The following AGAP1 variants were observed in gnomAD, a reference collection of about 807,000 sequenced individuals.
AGAP1 encodes the protein arf-GAP with GTPase, ANK repeat and PH domain-containing protein 1.
A neutral mutation model predicts 105.3 loss-of-function variants in AGAP1; 29 were observed. The ratio of observed to expected loss-of-function variants is 0.28; its 90% confidence interval spans 0.21 to 0.38. The LOEUF is 0.38. Among genes scored for constraint, AGAP1 ranks in the 10% least tolerant of loss-of-function variants. The pLI is 1.00. For synonymous variants in AGAP1, 509 were observed against 485.9 expected (o/e 1.05, Z -0.63); for missense variants, 998 against 1,165.1 (o/e 0.86, Z 2.09).
In AGAP1 at chr2:236,014,578, G is replaced by A. The variant is rs903782903; in HGVS notation, c.1646-21983G>A. On this transcript the variant is annotated intron_variant, in intron 13 of 17. Transcript: ENST00000304032. This position sits in a 1 kb window ranked among gnomAD's most constrained non-coding sequence, Gnocchi z 6.3. ...GTTCTTTGACGTTAGATGCAATCCT[G>A]ATGACCCTGCTCCACCTCTGCCCTT... Among the ~76,000 whole-genome samples the A allele has an allele frequency of 2.0e-5, 3 of 152,156 alleles. No individual in the cohort carries two copies. The highest frequency in any genetic ancestry group is 4.4e-5 in the Non-Finnish European group (3 of 68,028).
intron 9 of AGAP1, chr2:235,852,927 C>A (rs1216360368): frequency 6.9e-6 from 9 of 1,306,410 alleles, no homozygotes; most frequent in South Asian, 2.5e-5. Context: ...GTCCTGACTT[C>A]AGCGCATCTC....
rs1455887956 is a variant in AGAP1 at position 235,970,926 on chromosome 2, G to A, written c.1645+2303G>A. On this transcript the variant is annotated intron_variant, in intron 13 of 17. Transcript: ENST00000304032. This position sits in a 1 kb window ranked among gnomAD's most constrained non-coding sequence, Gnocchi z 5.4. ...GGGCTCTGTCCAAGCAGCAAATGGG[G>A]GCCCCTTTCCTTAAAGGGTCTTACT... Among the ~76,000 whole-genome samples, 1 of 152,160 alleles carries A rather than the reference G, an allele frequency of 6.6e-6. No homozygotes were observed. The highest frequency in any genetic ancestry group is 1.9e-4 in the East Asian group (1 of 5,174).
Position 235,958,115 on chromosome 2 carries a change from A to G in AGAP1, c.1484-10347A>G, listed in dbSNP as rs1276333884. On this transcript the variant is annotated intron_variant, in intron 12 of 17. Transcript: ENST00000304032. This position sits in a 1 kb window ranked among gnomAD's most constrained non-coding sequence, Gnocchi z 4.1. ...ATGAACATGTTTTAAAGCATTTTGT[A>G]TCTTTAATCAACATGTAGAAAATGA... Among the ~76,000 whole-genome samples the G allele has an allele frequency of 6.6e-6, 1 of 152,040 alleles. No homozygotes were observed. Among genetic ancestry groups the G allele is most frequent in the African/African-American group, 2.4e-5 (1 of 41,384 alleles).
intron 11 of AGAP1, among the ~76,000 whole-genome samples, chr2:235,925,493 A>AC (rs1463177292): frequency 6.6e-6 from 1 of 151,990 alleles, no homozygotes; most frequent in Non-Finnish European, 1.5e-5. Context: ...CTTCCTGCAG[A>AC]CCCCACGCAC....
At chr2:235,647,266 T>G (rs1463309778) in intron 1 of AGAP1, among the ~76,000 whole-genome samples, 4 of 151,498 alleles carry the variant, frequency 2.6e-5, no homozygotes, top group African/African-American at 4.9e-5. Flanking sequence ...CTTAACAATG[T>G]GATCACAGTC....
chr2:235,806,834 A>C (rs781494479), intron 8 of AGAP1, among the ~76,000 whole-genome samples: 1 of 152,346 alleles, frequency 6.6e-6, no homozygotes, highest in Non-Finnish European at 1.5e-5. Context: ...TCAAACATTA[A>C]TTAAATACAT....
chr2:236,045,546 C>T lies in AGAP1; in HGVS notation c.1892-3513C>T, dbSNP rs114620605. ...AGAGGACAAAGGTGGAAAGGCAGTG[C>T]TAGCAGGTGGCACGCACACAGGTGT... is the stretch of plus-strand genomic sequence containing the variant. On this transcript the variant is annotated intron_variant, in intron 15 of 17. Transcript: ENST00000304032. This position sits in a 1 kb window ranked among gnomAD's most constrained non-coding sequence, Gnocchi z 6.9. Among the ~76,000 whole-genome samples, 3,865 of 152,290 alleles carry T rather than the reference C, an allele frequency of 0.025. 157 individuals carry two copies. Among genetic ancestry groups the T allele is most frequent in the African/African-American group, 0.087 (3,628 of 41,556 alleles).
chr2:235,749,144 G>A (rs1953210868), intron 5 of AGAP1, among the ~76,000 whole-genome samples: 1 of 152,040 alleles, frequency 6.6e-6, no homozygotes, highest in Non-Finnish European at 1.5e-5. Context: ...AGGAGGCAGA[G>A]GTTGCAGTGA....
chr2:235,624,233 G>A (rs1442373373), intron 1 of AGAP1, among the ~76,000 whole-genome samples: 1 of 152,220 alleles, frequency 6.6e-6, no homozygotes. Context: ...TACCATATTT[G>A]CTTTCTCTGT....
At chr2:235,544,550 G>A (rs1185285581) in intron 1 of AGAP1, among the ~76,000 whole-genome samples, 1 of 152,180 alleles carries the variant, frequency 6.6e-6, no homozygotes, top group African/African-American at 2.4e-5. Flanking sequence ...CAGCCGGGCC[G>A]ACCACGGAGC....
In AGAP1 at chr2:235,556,104, GA is replaced by G. The variant is rs1943964238; in HGVS notation, c.163+61256del. ...GCTTCTGGAAGCCTCCAGAAGGATG[GA>G]CGGGGGCACTGAGACCTGAAGAAGG... On this transcript the variant is annotated intron_variant, in intron 1 of 17. Transcript: ENST00000304032. This position sits in a 1 kb window ranked among gnomAD's most constrained non-coding sequence, Gnocchi z 5.3. Among the ~76,000 whole-genome samples the G allele has an allele frequency of 6.6e-6, 1 of 152,224 alleles. No homozygotes were observed. Among genetic ancestry groups the G allele is most frequent in the African/African-American group, 2.4e-5 (1 of 41,460 alleles).
At chr2:236,025,988 C>T (rs970531315) in intron 13 of AGAP1, among the ~76,000 whole-genome samples, 1 of 151,954 alleles carries the variant, frequency 6.6e-6, no homozygotes, top group Non-Finnish European at 1.5e-5. Context: ...GCTTCAGGGA[C>T]CTCAGAGGCA....
At chr2:235,604,818 G>A (rs1475072918) in intron 1 of AGAP1, among the ~76,000 whole-genome samples, 11 of 150,994 alleles carry the variant, frequency 7.3e-5, no homozygotes, top group Non-Finnish European at 1.0e-4. Flanking sequence ...TCCTGACCTC[G>A]TGATCTGCCC....
At position 235,868,431 on chromosome 2, in the gene AGAP1, G is replaced by T. The variant is rs2106550730; in HGVS notation, c.1051-14914G>T. Among the ~76,000 whole-genome samples the T allele has an allele frequency of 2.0e-5, 3 of 152,286 alleles. 1 individual carries two copies. The South Asian group carries it at 6.2e-4, about 32-fold the overall frequency. On this transcript the variant is annotated intron_variant, in intron 9 of 17. Transcript: ENST00000304032. ...TGAGGAATGCTGCCCGCAGAGCAAA[G>T]GCGAGTGGTTGTGGACGTGCCTGTT...
intron 12 of AGAP1, among the ~76,000 whole-genome samples, chr2:235,950,463 G>C (rs2053684664): frequency 6.6e-6 from 1 of 152,014 alleles, no homozygotes; most frequent in Admixed American, 6.5e-5. Context: ...GAGGAGCAAA[G>C]GGATGTACTC....
chr2:235,536,044 G>C (rs1943204879), intron 1 of AGAP1, among the ~76,000 whole-genome samples: 1 of 151,566 alleles, frequency 6.6e-6, no homozygotes, highest in South Asian at 2.1e-4. Flanking sequence ...GCCTCCTCTA[G>C]ACCCCTGAGG....
At position 235,556,450 on chromosome 2, in the gene AGAP1, G is replaced by A. The variant is rs1943977575; in HGVS notation, c.163+61601G>A. ...ACCTAGGTCTTCAGGATGGGACAAG[G>A]CAGTCTTGGGGGACTTTGGGGTGAC... On this transcript the variant is annotated intron_variant, in intron 1 of 17. Transcript: ENST00000304032. This position sits in a 1 kb window ranked among gnomAD's most constrained non-coding sequence, Gnocchi z 5.3. Among the ~76,000 whole-genome samples the A allele has an allele frequency of 6.6e-6, 1 of 152,238 alleles. No homozygotes were observed. Among genetic ancestry groups the A allele is most frequent in the Admixed American group, 6.5e-5 (1 of 15,294 alleles).
At position 235,957,755 on chromosome 2, in the gene AGAP1, A is replaced by G. The variant is rs2054009217; in HGVS notation, c.1484-10707A>G. ...AACAGAGCCCTTATTAAAGATCCAAATTAGCTTTATATCGTTGGCCGTGTA... is the reference window on the plus strand; with the variant it reads ...AACAGAGCCCTTATTAAAGATCCAAGTTAGCTTTATATCGTTGGCCGTGTA... On this transcript the variant is annotated intron_variant, in intron 12 of 17. Transcript: ENST00000304032. The surrounding 1 kb of genome is among the most constrained non-coding windows in gnomAD (Gnocchi z 4.6). 6.6e-6 allele frequency among the ~76,000 whole-genome samples: 1 copy of G among 152,192 alleles called. No individual in the cohort carries two copies. The highest frequency in any genetic ancestry group is 1.5e-5 in the Non-Finnish European group (1 of 68,032).
rs11687101 is a variant in AGAP1 at position 235,891,846 on chromosome 2, G to C, written c.1155+8397G>C. Among the ~76,000 whole-genome samples, 117,656 of 152,010 alleles carry C rather than the reference G, an allele frequency of 0.77. 45,764 individuals carry two copies. The highest frequency in any genetic ancestry group is 0.99 in the East Asian group (5,091 of 5,146). ...ATACCTGGCAGACGTGCATGAACTG[G>C]TCAGACTTTTAAAAAACCTCCTTCT... On this transcript the variant is annotated intron_variant, in intron 10 of 17. Coordinates refer to ENST00000304032, the MANE Select transcript of AGAP1 (RefSeq NM_001037131.3). The surrounding 1 kb of genome is among the most constrained non-coding windows in gnomAD (Gnocchi z 4.2).
Sources: allele counts gnomAD v4.1 joint callset (sites outside exome capture counted in the v4.1 genomes callset), GRCh38; gene constraint gnomAD v4.1.1; non-coding constraint Gnocchi (gnomAD v3.1); transcripts MANE v1.5; gene names NCBI Gene and HGNC (gene_info 2026-07-23, HGNC 2026-07-21).